The following TNKS variants were observed in gnomAD, a reference collection of about 807,000 sequenced individuals.
TNKS encodes the protein poly [ADP-ribose] polymerase tankyrase-1.
In TNKS, 72 loss-of-function variants were observed where a neutral mutation model predicts 135.8. The observed-to-expected ratio is 0.53, with a 90% CI of 0.44 to 0.64. The LOEUF is 0.64. Ranked by LOEUF, TNKS falls within the 30% of genes least tolerant of loss-of-function variation. The pLI is 0.00. For synonymous variants in TNKS, 849 were observed against 649.3 expected, an observed-to-expected ratio of 1.31 and a Z score of -4.68; for missense variants, 1,769 against 1,674.0, an observed-to-expected ratio of 1.06 and a Z score of -0.99.
chr8:9,598,463 T>C (rs1006167849), intron 2 of TNKS, among the ~76,000 whole-genome samples: 1 of 151,924 alleles, frequency 6.6e-6, no homozygotes, highest in African/African-American at 2.4e-5. Flanking sequence ...ATATGTAAGT[T>C]TAAACCTTGT....
intron 2 of TNKS, 97 bp from the exon 3 acceptor site, chr8:9,615,485 A>C (rs1198389686): frequency 6.8e-6 from 6 of 877,654 alleles, no homozygotes; most frequent in Non-Finnish European, 9.9e-6. Flanking sequence ...AATTTGTGCA[A>C]TGTATGTTTA....
chr8:9,575,604 A>T (rs1797916859), intron 1 of TNKS, among the ~76,000 whole-genome samples: 2 of 152,234 alleles, frequency 1.3e-5, no homozygotes, highest in African/African-American at 2.4e-5. Flanking sequence ...GAAATAGGAA[A>T]GGTTTCCTTA....
At chr8:9,766,487 T>C in intron 25 of TNKS, 62 bp downstream of exon 25, 1 of 1,192,046 alleles carries the variant, frequency 8.4e-7, no homozygotes, top group Non-Finnish European at 1.1e-6. Context: ...AATTGTCTTT[T>C]TTTTTTTTTT....
chr8:9,678,397 C>G (rs913879407), intron 3 of TNKS, among the ~76,000 whole-genome samples: 13 of 152,212 alleles, frequency 8.5e-5, no homozygotes, highest in Middle Eastern at 3.4e-3. Context: ...AATGAAATGA[C>G]CTTTACTCTG....
intron 1 of TNKS, among the ~76,000 whole-genome samples, chr8:9,559,596 C>G (rs1481499916): frequency 6.6e-6 from 1 of 151,906 alleles, no homozygotes; most frequent in Non-Finnish European, 1.5e-5. Flanking sequence ...TCAGCCTCCC[C>G]CATCCCTACC....
intron 5 of TNKS, among the ~76,000 whole-genome samples, chr8:9,686,733 A>G (rs979874354): frequency 2.6e-5 from 4 of 152,156 alleles, no homozygotes; most frequent in Admixed American, 1.3e-4. Context: ...TTTTATGTGC[A>G]TCTTTTGGGG....
chr8:9,587,560 G>A (rs963913525), intron 2 of TNKS, among the ~76,000 whole-genome samples: 2 of 151,940 alleles, frequency 1.3e-5, no homozygotes, highest in African/African-American at 2.4e-5. Flanking sequence ...CACCACGCCC[G>A]GGTAATTTTG....
chr8:9,563,007 C>T (rs150597130), intron 1 of TNKS, among the ~76,000 whole-genome samples: 28 of 151,884 alleles, frequency 1.8e-4, no homozygotes, highest in African/African-American at 5.5e-4. Flanking sequence ...TTTTATTATT[C>T]GTTCTTTTCT....
At chr8:9,762,900 G>A (rs1480267421) in intron 21 of TNKS, among the ~76,000 whole-genome samples, 16 of 125,434 alleles carry the variant, frequency 1.3e-4, no homozygotes, top group South Asian at 7.6e-4. Flanking sequence ...GCGAGGCTCC[G>A]TCTCAAAAAA....
In TNKS at chr8:9,620,035, C is replaced by T. The variant is rs558687991; in HGVS notation, c.994+4358C>T. Among the ~76,000 whole-genome samples, 23 of 151,928 alleles carry T rather than the reference C, an allele frequency of 1.5e-4. No individual in the cohort carries two copies. In the South Asian group the frequency reaches 2.9e-3, roughly 19 times the overall value. ...CGCTATCTTGGCTCACTGCAACCTC[C>T]GCCTCCCGGGTTTAAGCGATTCTCC... On this transcript the variant is annotated intron_variant, in intron 3 of 26. Transcript: ENST00000310430.
At chr8:9,701,230 C>A (rs1388769461) in intron 5 of TNKS, among the ~76,000 whole-genome samples, 2 of 152,188 alleles carry the variant, frequency 1.3e-5, no homozygotes, top group Non-Finnish European at 2.9e-5. Context: ...AGCCACCATG[C>A]CCGACCTGCC....
At chr8:9,717,072 A>AATATATATATATATATATATATATAT (rs368231440) in intron 11 of TNKS, among the ~76,000 whole-genome samples, 53 of 79,402 alleles carry the variant, frequency 6.7e-4, no homozygotes, top group African/African-American at 2.1e-3. Context: ...GTTGTATTAT[A>AATATATATATATATATATATATATAT]ATATATATAT....
intron 19 of TNKS, among the ~76,000 whole-genome samples, chr8:9,752,057 C>T (rs966099388): frequency 3.3e-5 from 5 of 152,182 alleles, no homozygotes; most frequent in Non-Finnish European, 7.3e-5. Context: ...TATTCTAGAG[C>T]ATCTGTTTAC....
chr8:9,704,161 A>G (rs990367828), intron 5 of TNKS, among the ~76,000 whole-genome samples: 2 of 152,186 alleles, frequency 1.3e-5, no homozygotes, highest in African/African-American at 2.4e-5. Flanking sequence ...TTTTGTTTCC[A>G]TTAAAGTTTG....
intron 1 of TNKS, among the ~76,000 whole-genome samples, chr8:9,572,610 C>A (rs1466723492): frequency 6.6e-6 from 1 of 152,122 alleles, no homozygotes; most frequent in East Asian, 1.9e-4. Context: ...AAACAGAAAA[C>A]TTTAAAGAAC....
At chr8:9,651,222 G>A (rs1341259106) in intron 3 of TNKS, among the ~76,000 whole-genome samples, 3 of 151,822 alleles carry the variant, frequency 2.0e-5, no homozygotes, top group African/African-American at 7.3e-5. Flanking sequence ...AAATGAAGTG[G>A]GGCTCACTTC....
chr8:9,693,694 T>G (rs1803384450), intron 5 of TNKS, among the ~76,000 whole-genome samples: 1 of 152,118 alleles, frequency 6.6e-6, no homozygotes, highest in African/African-American at 2.4e-5. Flanking sequence ...ATTACAAGGA[T>G]GATATGTAGA....
intron 1 of TNKS, among the ~76,000 whole-genome samples, chr8:9,573,580 TGA>T (rs1299917070): frequency 6.6e-6 from 1 of 152,212 alleles, no homozygotes; most frequent in Non-Finnish European, 1.5e-5. Flanking sequence ...TAGATGTATA[TGA>T]GAGAGTTCCA....
At chr8:9,588,089 C>T (rs1798455881) in intron 2 of TNKS, among the ~76,000 whole-genome samples, 1 of 152,158 alleles carries the variant, frequency 6.6e-6, no homozygotes, top group Non-Finnish European at 1.5e-5. Flanking sequence ...ATGATTGTTT[C>T]TGAAGTATTT....
Sources: gnomAD v4.1 joint callset for allele counts (sites outside exome capture counted in the v4.1 genomes callset) on GRCh38, gnomAD v4.1.1 for gene constraint, MANE v1.5 for transcripts, NCBI Gene and HGNC (gene_info 2026-07-23, HGNC 2026-07-21) for gene names.